The following ANXA13 variants were observed in gnomAD, a reference collection of about 807,000 sequenced individuals.
The protein encoded by ANXA13 is annexin A13, also known as annexin XIII.
A neutral mutation model predicts 46.6 loss-of-function variants in ANXA13; 36 were observed. That is an observed-to-expected ratio of 0.77 (90% CI 0.59 to 1.02). The LOEUF is 1.02. Ranked by LOEUF, ANXA13 falls within the 50% of genes least tolerant of loss-of-function variation. The pLI, the probability that ANXA13 is intolerant of heterozygous loss-of-function variation, is 0.00. For synonymous variants in ANXA13, 163 were observed against 152.9 expected, an observed-to-expected ratio of 1.07 and a Z score of -0.49; for missense variants, 417 against 396.5, an observed-to-expected ratio of 1.05 and a Z score of -0.44.
intron 8 of ANXA13, among the ~76,000 whole-genome samples, chr8:123,689,747 A>G (rs1450162528): frequency 1.3e-5 from 2 of 152,204 alleles, no homozygotes; most frequent in Non-Finnish European, 2.9e-5. Flanking sequence ...ATAAAGAGAA[A>G]GGAGAATGCT....
rs376117970 is a variant in ANXA13 at position 123,688,892 on chromosome 8, G to A, written c.697C>T (p.Gln233Ter). The stretch of plus-strand genomic sequence containing the variant: ...TTACCGAGAGTTAAATAGGCCTTCT[G>A]CAAGTCGCCTGATGTTTCTTCTTCA... ...AIEEETSGDLQKAYLTLVRCA... is the reference protein window; with the variant it reads ...AIEEETSGDL The change falls in exon 9 of 11, where the codon CAG becomes TAG. Residue 233 changes from glutamine to a stop codon, truncating the protein, a stop_gained. Coordinates refer to ENST00000419625, the MANE Select transcript of ANXA13 (RefSeq NM_004306.4). LOFTEE classifies it high-confidence loss of function. 13 of 1,613,716 alleles carry A rather than the reference G, an allele frequency of 8.1e-6. No individual in the cohort carries two copies. In the African/African-American group the frequency reaches 1.5e-4, roughly 18 times the overall value.
rs546154997 is a variant in ANXA13, at chr8:123,702,525, C to T, written c.186+117G>A. On this transcript the variant is annotated intron_variant, in intron 3 of 10. Transcript: ENST00000419625. ...CTTTTAAGTGGTTATTTCACTTTTC[C>T]TCCTGGGCTGACTCAATAAAGCTAT... 4.2e-5 allele frequency: 34 copies of T among 805,534 alleles called. 1 individual carries two copies. In the African/African-American group the frequency reaches 5.2e-4, roughly 12 times the overall value. The allele number at this position is 805,534 out of a possible 1,614,324, so 49.9% of individuals were successfully genotyped here. A position where few individuals can be genotyped will look rare whatever the true frequency, so the allele number is the denominator to read the frequency against.
At chr8:123,697,054 T>C (rs1813352786) in intron 4 of ANXA13, among the ~76,000 whole-genome samples, 1 of 152,138 alleles carries the variant, frequency 6.6e-6, no homozygotes, top group East Asian at 1.9e-4. Context: ...GGATTACAGA[T>C]GCATGGCGCC....
At chr8:123,689,648 T>C (rs1365516413) in intron 8 of ANXA13, among the ~76,000 whole-genome samples, 1 of 152,190 alleles carries the variant, frequency 6.6e-6, no homozygotes, top group Admixed American at 6.5e-5. Flanking sequence ...ATTAGGTTTC[T>C]TTCTAAATAT....
At chr8:123,704,315 C>T (rs1260943546) in intron 2 of ANXA13, among the ~76,000 whole-genome samples, 1 of 152,118 alleles carries the variant, frequency 6.6e-6, no homozygotes, top group Admixed American at 6.5e-5. Flanking sequence ...CTCTTCTTTA[C>T]AGAAGAGGAA....
intron 4 of ANXA13, among the ~76,000 whole-genome samples, chr8:123,696,527 C>A (rs1442658163): frequency 6.7e-6 from 1 of 150,150 alleles, no homozygotes; most frequent in African/African-American, 2.4e-5. Flanking sequence ...CTTGAACCAG[C>A]AGCTTGTAAG....
chr8:123,703,850 C>G (rs1563611305), intron 2 of ANXA13, among the ~76,000 whole-genome samples: 1 of 152,110 alleles, frequency 6.6e-6, no homozygotes, highest in African/African-American at 2.4e-5. Context: ...AACCAGGAAC[C>G]AGGATCGGAA....
intron 9 of ANXA13, among the ~76,000 whole-genome samples, chr8:123,685,885 C>A (rs773852718): frequency 6.6e-6 from 1 of 152,188 alleles, no homozygotes; most frequent in Non-Finnish European, 1.5e-5. Flanking sequence ...ATATTCAAGA[C>A]TTACTGTGAT....
At chr8:123,693,906 C>T in intron 6 of ANXA13, 127 bp from the exon 7 acceptor site, 1 of 832,264 alleles carries the variant, frequency 1.2e-6, no homozygotes, top group South Asian at 1.6e-5. Flanking sequence ...TTCAGCCTGG[C>T]AAGGAGGAAA....
chr8:123,708,525 T>C (rs1004546938), intron 2 of ANXA13, among the ~76,000 whole-genome samples: 2 of 152,192 alleles, frequency 1.3e-5, no homozygotes, highest in African/African-American at 4.8e-5. Context: ...CTGCTAGCAC[T>C]GCTGGGCCGC....
At position 123,695,662 on chromosome 8, in the gene ANXA13, CAAAGCCAGAATG is replaced by C; in HGVS notation, c.391+14_391+25del. 1 of 1,613,056 alleles carries C rather than the reference CAAAGCCAGAATG, an allele frequency of 6.2e-7. No homozygotes were observed. Among genetic ancestry groups the C allele is most frequent in the Non-Finnish European group, 8.5e-7 (1 of 1,179,190 alleles). On this transcript the variant is annotated intron_variant, in intron 5 of 10. Transcript: ENST00000419625. ...TATTTTGAAAGAAACATACTTTATC[CAAAGCCAGAATG>C]AAAAGTCACTTACGCCTTTGGTAGG...
intron 2 of ANXA13, among the ~76,000 whole-genome samples, chr8:123,707,383 G>C (rs1170656337): frequency 1.3e-5 from 2 of 152,004 alleles, no homozygotes; most frequent in East Asian, 3.9e-4. Context: ...AATTAATATT[G>C]AAAATAATAG....
intron 3 of ANXA13, among the ~76,000 whole-genome samples, chr8:123,699,310 G>T (rs1321778697): frequency 6.6e-6 from 1 of 152,140 alleles, no homozygotes; most frequent in African/African-American, 2.4e-5. Context: ...CTCCCAAGTA[G>T]CTGAGACTAC....
intron 1 of ANXA13, chr8:123,728,019 C>T (rs1444000650): frequency 6.6e-6 from 1 of 152,172 alleles, no homozygotes. Context: ...CTGTTGTCAC[C>T]TCCTGCTTCT....
At chr8:123,716,604 G>A (rs768062293) in intron 1 of ANXA13, among the ~76,000 whole-genome samples, 4 of 152,230 alleles carry the variant, frequency 2.6e-5, no homozygotes, top group Non-Finnish European at 4.4e-5. Context: ...AAAAACAGTC[G>A]GTTTGGCGTT....
At chr8:123,735,149 C>T (rs1319792188) in intron 1 of ANXA13, among the ~76,000 whole-genome samples, 1 of 150,920 alleles carries the variant, frequency 6.6e-6, no homozygotes, top group African/African-American at 2.4e-5. Context: ...GCATTATAGC[C>T]ATTGGGACCA....
chr8:123,702,565 T>G, intron 3 of ANXA13, 77 bp downstream of exon 3: 1 of 1,126,214 alleles, frequency 8.9e-7, no homozygotes, highest in African/African-American at 1.5e-5. Context: ...ATATTCTGCG[T>G]GGCCTGGGGA....
chr8:123,693,789 T>G lies in ANXA13; in HGVS notation c.472-10A>C, dbSNP rs1159726605. 1 of 1,612,292 alleles carries G rather than the reference T, an allele frequency of 6.2e-7. No individual in the cohort carries two copies. ...CTTCATTGCGATTAGCCTAGAAAAA[T>G]TGACACATTGTTATTAACTTGCATT... On this transcript the variant is annotated splice_polypyrimidine_tract_variant and intron_variant, in intron 6 of 10. Transcript: ENST00000419625.
intron 1 of ANXA13, among the ~76,000 whole-genome samples, chr8:123,714,361 T>C (rs780925846): frequency 6.6e-5 from 10 of 152,172 alleles, no homozygotes; most frequent in Non-Finnish European, 1.0e-4. Context: ...GATACATAGA[T>C]ACTGAGAGAG....
Sources: gnomAD v4.1 joint callset for allele counts (sites outside exome capture counted in the v4.1 genomes callset) on GRCh38, gnomAD v4.1.1 for gene constraint, MANE v1.5 for transcripts, NCBI Gene and HGNC (gene_info 2026-07-23, HGNC 2026-07-21) for gene names.